SORCS1: variants seen among roughly 807,000 people sequenced by gnomAD.
SORCS1 encodes the protein sortilin related VPS10 domain containing receptor 1.
In SORCS1, 60 loss-of-function variants were observed where a neutral mutation model predicts 146.1. That is an observed-to-expected ratio of 0.41 (90% CI 0.33 to 0.51). The LOEUF (loss-of-function observed/expected upper bound fraction) is 0.51, where lower values mean the gene tolerates loss of function less well. Ranked by LOEUF, SORCS1 falls within the 20% of genes least tolerant of loss-of-function variation. The pLI is 0.21. For missense variants in SORCS1, 1,352 were observed against 1,487.6 expected, an observed-to-expected ratio of 0.91 and a Z score of 1.50; for synonymous variants, 637 against 584.0, an observed-to-expected ratio of 1.09 and a Z score of -1.31.
chr10:107,094,049 C>T (rs532317781), intron 1 of SORCS1, among the ~76,000 whole-genome samples: 2 of 152,290 alleles, frequency 1.3e-5, no homozygotes, highest in South Asian at 2.1e-4. Flanking sequence ...CCACTTCTCC[C>T]AGACTTTCTA....
intron 1 of SORCS1, among the ~76,000 whole-genome samples, chr10:107,003,893 C>A (rs6584775): frequency 0.15 from 23,534 of 151,906 alleles, 5,592 homozygotes; most frequent in African/African-American, 0.51. Context: ...GCAGAGAATA[C>A]GGCTGGGTGC....
intron 2 of SORCS1, among the ~76,000 whole-genome samples, chr10:106,868,137 A>G (rs1950285677): frequency 6.6e-6 from 1 of 152,210 alleles, no homozygotes; most frequent in Non-Finnish European, 1.5e-5. Flanking sequence ...GTTCAATTCA[A>G]CAAGAAGACC....
chr10:106,891,633 G>A (rs545934649), intron 2 of SORCS1, among the ~76,000 whole-genome samples: 3 of 151,842 alleles, frequency 2.0e-5, no homozygotes, highest in African/African-American at 7.3e-5. Flanking sequence ...CCAAGTCACT[G>A]AGATTACAGG....
chr10:106,983,577 C>A (rs2139374210), intron 1 of SORCS1, among the ~76,000 whole-genome samples: 1 of 152,102 alleles, frequency 6.6e-6, no homozygotes, highest in Admixed American at 6.5e-5. Context: ...TTCCTATTTC[C>A]CAAGGAGCTA....
In SORCS1 at chr10:106,652,532, A is replaced by G. The variant is rs775912283; in HGVS notation, c.2325T>C (p.Asn775=). ...GTTCCCTTACGCCATCAGTGCAATT[A>G]TTGGAAACCACCTTCCTGTACCTAA... ...NSTGYRKVVS[N]NCTDGVREQY... is the part of the protein sequence containing the mutation. Residue 775 remains asparagine, a synonymous_variant, in exon 18 of 26, where the codon AAT becomes AAC. Coordinates refer to ENST00000263054, the MANE Select transcript of SORCS1 (RefSeq NM_052918.5). 9.3e-6 allele frequency: 15 copies of G among 1,613,728 alleles called. No homozygotes were observed. The highest frequency in any genetic ancestry group is 1.2e-5 in the Non-Finnish European group (14 of 1,179,686).
chr10:106,976,334 T>TTTTTTTTTGG (rs79785158), intron 1 of SORCS1, among the ~76,000 whole-genome samples: 1 of 69,956 alleles, frequency 1.4e-5, no homozygotes, highest in Admixed American at 1.3e-4. Context: ...GGTTTTTTTG[T>TTTTTTTTTGG]TTTTTTTTTT....
At chr10:106,927,747 A>G (rs1953138275) in intron 2 of SORCS1, among the ~76,000 whole-genome samples, 2 of 152,148 alleles carry the variant, frequency 1.3e-5, no homozygotes, top group African/African-American at 4.8e-5. Context: ...CCACCAGAGT[A>G]GCTAGATACA....
At chr10:106,835,522 T>A (rs1245516614) in intron 2 of SORCS1, among the ~76,000 whole-genome samples, 1 of 152,186 alleles carries the variant, frequency 6.6e-6, no homozygotes, top group East Asian at 1.9e-4. Flanking sequence ...CATAAAGCAA[T>A]TACAACATTT....
chr10:107,034,709 A>C (rs1055695845), intron 1 of SORCS1, among the ~76,000 whole-genome samples: 3 of 141,416 alleles, frequency 2.1e-5, no homozygotes, highest in African/African-American at 7.8e-5. Flanking sequence ...AAAAAAAAAC[A>C]ATGTTCATAG....
Position 106,679,706 on chromosome 10 carries a change from T to C in SORCS1, c.1589A>G (p.Lys530Arg). ...LPYCSLHLHL[K>R]VSENPYTSGI... ...TGATGTGTAGGGATTCTCAGAGACC[T>C]TCAGGTGAAGGTGTAGTGAGCAATA... The change falls in exon 11 of 26, where the codon AAG (lysine) becomes AGG (arginine). Residue 530 changes from lysine to arginine, a missense_variant. By Grantham distance (26) the Lys-to-Arg change is conservative. Coordinates refer to ENST00000263054, the MANE Select transcript of SORCS1 (RefSeq NM_052918.5). 1 of 1,611,960 alleles carries C rather than the reference T, an allele frequency of 6.2e-7. No individual in the cohort carries two copies. The highest frequency in any genetic ancestry group is 1.1e-5 in the South Asian group (1 of 90,578).
chr10:107,034,466 G>A (rs1958800807), intron 1 of SORCS1, among the ~76,000 whole-genome samples: 1 of 151,634 alleles, frequency 6.6e-6, no homozygotes, highest in South Asian at 2.1e-4. Context: ...GATCACCTGA[G>A]GCCAGGAGTT....
intron 1 of SORCS1, among the ~76,000 whole-genome samples, chr10:107,030,779 G>C (rs1267181701): frequency 2.0e-5 from 3 of 152,102 alleles, no homozygotes; most frequent in African/African-American, 7.2e-5. Context: ...ACCAAAGAAA[G>C]GGAAATGGAA....
intron 1 of SORCS1, among the ~76,000 whole-genome samples, chr10:107,038,596 T>TGGTCTCA (rs1016023879): frequency 1.3e-5 from 2 of 152,022 alleles, no homozygotes; most frequent in African/African-American, 4.8e-5. Context: ...AGTAACTATG[T>TGGTCTCA]GGTCTCAGGC....
At chr10:106,973,217 C>T (rs1436173522) in intron 1 of SORCS1, among the ~76,000 whole-genome samples, 1 of 152,202 alleles carries the variant, frequency 6.6e-6, no homozygotes, top group East Asian at 1.9e-4. Context: ...CCAATGTCCC[C>T]AGTTCAAAGA....
At chr10:106,709,409 G>A in intron 6 of SORCS1, 68 bp from the exon 7 acceptor site, 1 of 864,504 alleles carries the variant, frequency 1.2e-6, no homozygotes, top group Middle Eastern at 2.3e-4. Context: ...TTTACAGTCA[G>A]GGTGGACGTT....
intron 2 of SORCS1, among the ~76,000 whole-genome samples, chr10:106,844,395 T>C (rs1949213822): frequency 6.6e-6 from 1 of 152,010 alleles, no homozygotes; most frequent in Non-Finnish European, 1.5e-5. Context: ...AGACCAATAT[T>C]GAGGAGATTT....
At chr10:106,969,913 T>G (rs988509544) in intron 1 of SORCS1, 1 of 152,214 alleles carries the variant, frequency 6.6e-6, no homozygotes, top group Non-Finnish European at 1.5e-5. Flanking sequence ...CATTAAGCCT[T>G]TTCAATGAAA....
rs189130675 is a variant in SORCS1, at chr10:106,868,431, C to T, written c.627-38758G>A. Reference sequence around the variant, plus strand: ...GTCATATGGTGCATAACTCTAAAATCGACCACATAACTGGACATAAAACAA... The same window carrying T: ...GTCATATGGTGCATAACTCTAAAATTGACCACATAACTGGACATAAAACAA... On this transcript the variant is annotated intron_variant, in intron 2 of 25. Coordinates refer to ENST00000263054, the MANE Select transcript of SORCS1 (RefSeq NM_052918.5). 1.7e-3 allele frequency among the ~76,000 whole-genome samples: 262 copies of T among 152,194 alleles called. 1 individual carries two copies. The highest frequency in any genetic ancestry group is 2.8e-3 in the Non-Finnish European group (190 of 67,982).
chr10:106,832,266 G>A (rs186334189), intron 2 of SORCS1, among the ~76,000 whole-genome samples: 162 of 144,018 alleles, frequency 1.1e-3, no homozygotes, highest in African/African-American at 4.0e-3. Context: ...TCTGCTCACC[G>A]CAACTTCCGC....
Sources: gnomAD v4.1 joint callset for allele counts (sites outside exome capture counted in the v4.1 genomes callset) on GRCh38, gnomAD v4.1.1 for gene constraint, MANE v1.5 for transcripts, NCBI Gene and HGNC (gene_info 2026-07-23, HGNC 2026-07-21) for gene names.